The following RAB30 variants were observed in gnomAD, a reference collection of about 807,000 sequenced individuals.
RAB30 encodes the protein ras-related protein Rab-30.
RAB30 carries 9 observed loss-of-function variants against 25.1 expected under a neutral mutation model. The observed-to-expected ratio is 0.36, with a 90% CI of 0.22 to 0.63. RAB30 has a LOEUF of 0.63. Among genes scored for constraint, RAB30 ranks in the 20% least tolerant of loss-of-function variants. The pLI is 0.69. For missense variants in RAB30, 140 were observed against 243.5 expected, an observed-to-expected ratio of 0.58 and a Z score of 2.83; for synonymous variants, 77 against 86.4, an observed-to-expected ratio of 0.89 and a Z score of 0.60.
chr11:83,030,839 T>C (rs1197560494), intron 1 of RAB30, among the ~76,000 whole-genome samples: 1 of 151,674 alleles, frequency 6.6e-6, no homozygotes, highest in Non-Finnish European at 1.5e-5. Flanking sequence ...CTAAATTATG[T>C]CCCCCCACAA....
chr11:83,046,132 A>G (rs1858228218), intron 1 of RAB30, among the ~76,000 whole-genome samples: 1 of 152,210 alleles, frequency 6.6e-6, no homozygotes, highest in African/African-American at 2.4e-5. Flanking sequence ...CCAGGCATAT[A>G]TGGGATATAC....
chr11:83,057,619 C>T (rs945729129), intron 1 of RAB30, among the ~76,000 whole-genome samples: 6 of 152,148 alleles, frequency 3.9e-5, no homozygotes, highest in Non-Finnish European at 8.8e-5. Flanking sequence ...TGCCCAAATG[C>T]TAGTAGTGGC....
chr11:82,997,444 G>A (rs535195231), intron 1 of RAB30, 120 bp from the exon 2 acceptor site: 2 of 698,364 alleles, frequency 2.9e-6, no homozygotes, highest in East Asian at 5.4e-5. Flanking sequence ...GCAATTTAAA[G>A]CTCCCCTCCG....
intron 1 of RAB30, among the ~76,000 whole-genome samples, chr11:83,000,742 A>G (rs975301820): frequency 3.9e-5 from 6 of 152,236 alleles, no homozygotes; most frequent in African/African-American, 1.4e-4. Context: ...ATGCACCTTT[A>G]GAAAAAGAAG....
At chr11:83,027,095 G>A (rs1436154632) in intron 1 of RAB30, among the ~76,000 whole-genome samples, 1 of 152,144 alleles carries the variant, frequency 6.6e-6, no homozygotes, top group African/African-American at 2.4e-5. Flanking sequence ...CCAAAGGCCT[G>A]TCTCTGGGGA....
At chr11:83,002,008 A>T (rs902622857) in intron 1 of RAB30, among the ~76,000 whole-genome samples, 1 of 152,178 alleles carries the variant, frequency 6.6e-6, no homozygotes, top group African/African-American at 2.4e-5. Flanking sequence ...CTTGCAGAAG[A>T]GGAAGCTGAG....
chr11:83,061,601 T>C lies in RAB30; in HGVS notation c.-9+10090A>G, dbSNP rs531657214. 4.4e-4 allele frequency among the ~76,000 whole-genome samples: 67 copies of C among 152,096 alleles called. 1 individual carries two copies. The highest frequency in any genetic ancestry group is 2.6e-3 in the Admixed American group (39 of 15,276). ...AAAAGTATCTGTGTGTGTGCACACG[T>C]GTGTGTGTATGTGTGTAAAGACAAA... is the stretch of plus-strand genomic sequence containing the variant. On this transcript the variant is annotated intron_variant, in intron 1 of 4. Transcript: ENST00000527633.
intron 1 of RAB30, among the ~76,000 whole-genome samples, chr11:83,049,454 G>A (rs2121517703): frequency 7.2e-6 from 1 of 138,782 alleles, no homozygotes; most frequent in East Asian, 2.4e-4. Flanking sequence ...TTTTCTGGGG[G>A]GCAGAGGCGG....
At chr11:83,048,489 G>T (rs1265118962) in intron 1 of RAB30, among the ~76,000 whole-genome samples, 1 of 150,382 alleles carries the variant, frequency 6.6e-6, no homozygotes. Context: ...AAAAAATCCT[G>T]AATATTATAA....
At chr11:83,043,487 A>C (rs182409399) in intron 1 of RAB30, among the ~76,000 whole-genome samples, 2 of 152,370 alleles carry the variant, frequency 1.3e-5, no homozygotes, top group African/African-American at 4.8e-5. Context: ...GATCAAAGGC[A>C]AAATTTAAAT....
intron 1 of RAB30, among the ~76,000 whole-genome samples, chr11:83,033,428 G>C (rs1032160718): frequency 7.9e-5 from 12 of 152,088 alleles, no homozygotes; most frequent in Non-Finnish European, 1.8e-4. Flanking sequence ...TTATATTACA[G>C]AATTAAAATA....
At chr11:82,992,069 A>G (rs1439468872) in intron 3 of RAB30, among the ~76,000 whole-genome samples, 1 of 152,188 alleles carries the variant, frequency 6.6e-6, no homozygotes, top group Non-Finnish European at 1.5e-5. Flanking sequence ...GAACTCATAT[A>G]TATATGAATG....
At chr11:83,019,735 C>A (rs1356769049) in intron 1 of RAB30, among the ~76,000 whole-genome samples, 2 of 152,192 alleles carry the variant, frequency 1.3e-5, no homozygotes, top group Admixed American at 1.3e-4. Flanking sequence ...AGAGTGGGAG[C>A]AAGAGTACTT....
intron 1 of RAB30, among the ~76,000 whole-genome samples, chr11:83,004,633 C>T (rs1282650820): frequency 3.9e-5 from 6 of 152,250 alleles, no homozygotes; most frequent in East Asian, 3.9e-4. Flanking sequence ...CAGACTGGCA[C>T]GGGGGCTCAG....
At chr11:83,027,560 T>G (rs1053471781) in intron 1 of RAB30, among the ~76,000 whole-genome samples, 2 of 152,174 alleles carry the variant, frequency 1.3e-5, no homozygotes, top group African/African-American at 4.8e-5. Flanking sequence ...CAGAGCTAAT[T>G]ATCTCCATTC....
At chr11:82,985,392 C>T (rs2121436245) in intron 4 of RAB30, among the ~76,000 whole-genome samples, 1 of 152,270 alleles carries the variant, frequency 6.6e-6, no homozygotes, top group South Asian at 2.1e-4. Context: ...AAAAAAGAAT[C>T]AAGCATTCTT....
intron 1 of RAB30, among the ~76,000 whole-genome samples, chr11:83,023,117 T>C (rs762934073): frequency 4.8e-4 from 73 of 152,216 alleles, no homozygotes; most frequent in Non-Finnish European, 9.6e-4. Flanking sequence ...AAAATTTTTC[T>C]AATAGTTGGG....
intron 1 of RAB30, among the ~76,000 whole-genome samples, chr11:82,998,869 G>A (rs182317844): frequency 3.9e-5 from 6 of 152,198 alleles, no homozygotes; most frequent in Admixed American, 1.3e-4. Context: ...ATAGGAAAGC[G>A]TCAGGGTCAC....
In RAB30 at chr11:83,050,687, T is replaced by C. The variant is rs1340226603; in HGVS notation, c.-9+21004A>G. ...AATTCTAAAAATACTTTTTCTTACA[T>C]TTTTGACTGGTTGGAAACTAGGATG... On this transcript the variant is annotated intron_variant, in intron 1 of 4. Coordinates refer to ENST00000527633, the MANE Select transcript of RAB30 (RefSeq NM_001286060.2). Among the ~76,000 whole-genome samples the C allele has an allele frequency of 2.0e-5, 3 of 152,208 alleles. No homozygotes were observed. The East Asian group carries it at 5.8e-4, about 29-fold the overall frequency.
Sources: allele counts gnomAD v4.1 joint callset (sites outside exome capture counted in the v4.1 genomes callset), GRCh38; gene constraint gnomAD v4.1.1; transcripts MANE v1.5; gene names NCBI Gene and HGNC (gene_info 2026-07-23, HGNC 2026-07-21).